ERICH1: variants seen among roughly 807,000 people sequenced by gnomAD.
ERICH1 encodes glutamate-rich protein 1.
ERICH1 carries 56 observed loss-of-function variants against 39.6 expected under a neutral mutation model. That is an observed-to-expected ratio of 1.41 (90% CI 1.14 to 1.77). The LOEUF is 1.77. Ranked by LOEUF, ERICH1 falls within the 40% of genes most tolerant of loss-of-function variation. The pLI is 0.00. For synonymous variants in ERICH1, 313 were observed against 223.6 expected (o/e 1.40, Z -3.57); for missense variants, 826 against 575.4 (o/e 1.44, Z -4.45).
chr8:614,782 T>G (rs1160312888), exon 4 of ERICH1: 1 of 160,166 alleles, frequency 6.2e-6, no homozygotes. Flanking sequence ...ATACACTTGT[T>G]GATGCCCGGC....
At chr8:700,975 G>A (rs1405452023) in intron 2 of ERICH1, among the ~76,000 whole-genome samples, 1 of 152,268 alleles carries the variant, frequency 6.6e-6, no homozygotes, top group Non-Finnish European at 1.5e-5. Context: ...GCAGCCGAGA[G>A]GAAGTGCAGG....
chr8:723,121 C>G (rs55705212), intron 1 of ERICH1, among the ~76,000 whole-genome samples: 32 of 152,160 alleles, frequency 2.1e-4, no homozygotes, highest in Admixed American at 1.2e-3. Flanking sequence ...CTTAAAAGGC[C>G]GGGACCTCCA....
intron 3 of ERICH1, among the ~76,000 whole-genome samples, chr8:635,102 A>G (rs1223185315): frequency 2.1e-5 from 2 of 96,668 alleles, no homozygotes; most frequent in Non-Finnish European, 5.2e-5. Flanking sequence ...CCACTCAGCT[A>G]AAAAAAAAAA....
intron 2 of ERICH1, among the ~76,000 whole-genome samples, chr8:703,470 A>AG (rs1473172381): frequency 6.6e-6 from 1 of 152,098 alleles, no homozygotes; most frequent in Non-Finnish European, 1.5e-5. Flanking sequence ...GGGGAGAAAA[A>AG]GGGGGGCAGG....
intron 4 of ERICH1, among the ~76,000 whole-genome samples, chr8:670,265 C>T (rs1264527508): frequency 6.6e-6 from 1 of 152,214 alleles, no homozygotes; most frequent in Non-Finnish European, 1.5e-5. Flanking sequence ...TCCAATTTTT[C>T]CTTTTTCCCC....
At chr8:726,964 TGCACACACGTACACATAC>T (rs1475306127) in intron 1 of ERICH1, among the ~76,000 whole-genome samples, 6,875 of 140,468 alleles carry the variant, frequency 0.049, 595 homozygotes, top group African/African-American at 0.19. Flanking sequence ...CACATACACA[TGCACACACGTACACATAC>T]ACATACACAC....
At chr8:627,593 C>T (rs746644295) in intron 3 of ERICH1, among the ~76,000 whole-genome samples, 43 of 152,218 alleles carry the variant, frequency 2.8e-4, no homozygotes, top group Non-Finnish European at 5.6e-4. Context: ...GCTCTCCAGC[C>T]GCAGGCCAAG....
chr8:682,077 G>T (rs1806258289), intron 3 of ERICH1, among the ~76,000 whole-genome samples: 1 of 80 alleles, frequency 0.013, no homozygotes, highest in Admixed American at 0.071. Flanking sequence ...TTTCCATGAT[G>T]AGTAGGTCTT....
chr8:685,542 T>C (rs1433856628), intron 3 of ERICH1, among the ~76,000 whole-genome samples: 4 of 152,216 alleles, frequency 2.6e-5, no homozygotes, highest in African/African-American at 7.2e-5. Context: ...AAGTGATACA[T>C]GTCCATGAAA....
intron 3 of ERICH1, among the ~76,000 whole-genome samples, chr8:684,458 G>A (rs1585278822): frequency 1.1e-5 from 1 of 95,230 alleles, no homozygotes; most frequent in African/African-American, 3.6e-5. Flanking sequence ...CTGAAACTGT[G>A]AAGTGTTTTG....
At chr8:694,256 G>A (rs1809619958) in intron 2 of ERICH1, among the ~76,000 whole-genome samples, 1 of 152,182 alleles carries the variant, frequency 6.6e-6, no homozygotes, top group African/African-American at 2.4e-5. Flanking sequence ...CACCGCAGCT[G>A]ATTAATTACT....
chr8:703,823 T>C (rs970715799), intron 2 of ERICH1, among the ~76,000 whole-genome samples: 16 of 152,184 alleles, frequency 1.1e-4, no homozygotes, highest in African/African-American at 2.2e-4. Context: ...AATGTCTGAA[T>C]GACAGGAATT....
At chr8:688,675 G>A (rs538796510) in intron 3 of ERICH1, among the ~76,000 whole-genome samples, 2 of 152,220 alleles carry the variant, frequency 1.3e-5, no homozygotes, top group Non-Finnish European at 2.9e-5. Context: ...AGAAGAATGA[G>A]TTAAGCAGCA....
In ERICH1 at chr8:715,181, A is replaced by T. The variant is rs547287601; in HGVS notation, c.169+680T>A. Reference sequence around the variant, plus strand: ...CAGGTGGCCTCTTCCCGCATCTCTCAGTGGGATGTGGTCCACCCAGGTGGT... The same window carrying T: ...CAGGTGGCCTCTTCCCGCATCTCTCTGTGGGATGTGGTCCACCCAGGTGGT... On this transcript the variant is annotated intron_variant, in intron 2 of 5. Transcript: ENST00000262109. Among the ~76,000 whole-genome samples, 11 of 142,652 alleles carry T rather than the reference A, an allele frequency of 7.7e-5. No homozygotes were observed. The East Asian group carries it at 1.7e-3, about 22-fold the overall frequency. The allele number at this position is 142,652 out of a possible 152,430, so 93.6% of individuals were successfully genotyped here.
At chr8:706,664 A>C (rs1316870141) in intron 2 of ERICH1, among the ~76,000 whole-genome samples, 1 of 152,144 alleles carries the variant, frequency 6.6e-6, no homozygotes, top group African/African-American at 2.4e-5. Flanking sequence ...ATGTAATCCC[A>C]GCTACTCAGG....
chr8:656,874 A>T (rs1455531977), intron 3 of ERICH1: 1 of 975,148 alleles, frequency 1.0e-6, no homozygotes, highest in Non-Finnish European at 1.2e-6. Flanking sequence ...AACAAAGCAG[A>T]AACTTAAACA....
intron 3 of ERICH1, among the ~76,000 whole-genome samples, chr8:677,612 G>A (rs541869723): frequency 6.6e-6 from 1 of 152,210 alleles, no homozygotes; most frequent in Admixed American, 6.5e-5. Context: ...GCAGCCTCTG[G>A]GTCTGCCCTG....
intron 1 of ERICH1, among the ~76,000 whole-genome samples, chr8:722,164 G>C (rs183494013): frequency 1.3e-5 from 2 of 151,940 alleles, no homozygotes; most frequent in East Asian, 1.9e-4. Context: ...TGAAACTCTA[G>C]TGCCCATCAA....
In ERICH1 at chr8:645,799, A is replaced by G. The variant is rs1448093461; in HGVS notation, c.976+22799T>C. Among the ~76,000 whole-genome samples the G allele has an allele frequency of 1.6e-4, 11 of 69,376 alleles. 4 individuals carry two copies. Among genetic ancestry groups the G allele is most frequent in the Admixed American group, 4.9e-4 (4 of 8,126 alleles). 45.5% of individuals were successfully genotyped at this position (69,376 alleles called of 152,430 possible). On this transcript the variant is annotated intron_variant, in intron 3 of 3. Coordinates refer to the ERICH1 transcript ENST00000522706. ...CCACGGTGCCCAGCCCAGAAATCTG[A>G]ATTTCTAGGACTTCCAGCTCCTGGT...
Sources: allele counts gnomAD v4.1 joint callset (sites outside exome capture counted in the v4.1 genomes callset), GRCh38; gene constraint gnomAD v4.1.1; transcripts MANE v1.5; gene names NCBI Gene and HGNC (gene_info 2026-07-23, HGNC 2026-07-21).